The following SGCD variants were observed in gnomAD, a reference collection of about 807,000 sequenced individuals.
SGCD encodes the protein sarcoglycan delta, also known as delta-sarcoglycan.
Under a neutral mutation model 36.6 loss-of-function variants are expected in SGCD, and 18 were observed. That is an observed-to-expected ratio of 0.49 (90% confidence interval 0.34 to 0.73). The LOEUF (loss-of-function observed/expected upper bound fraction) is 0.73. SGCD is among the 30% of genes least tolerant of loss of function. The pLI, the probability that SGCD is intolerant of heterozygous loss-of-function variation, is 0.01. For missense variants in SGCD, 387 were observed against 346.7 expected (o/e 1.12, Z -0.92); for synonymous variants, 133 against 130.6 (o/e 1.02, Z -0.12).
At chr5:156,504,404 A>ATATATATATGTCAATGTG (rs1306455187) in intron 3 of SGCD, among the ~76,000 whole-genome samples, 55 of 90,276 alleles carry the variant, frequency 6.1e-4, no homozygotes, top group Non-Finnish European at 1.4e-3. Flanking sequence ...ATATATATAT[A>ATATATATATGTCAATGTG]TATATATATA....
At chr5:155,972,124 A>T (rs1352480426) in intron 1 of SGCD, among the ~76,000 whole-genome samples, 2 of 152,146 alleles carry the variant, frequency 1.3e-5, no homozygotes, top group Non-Finnish European at 2.9e-5. Flanking sequence ...AAGAGAACAG[A>T]TTAGGTCATT....
At chr5:155,738,901 G>A in the SGCD span, among the ~76,000 whole-genome samples, 1 of 151,034 alleles carries the variant, frequency 6.6e-6, no homozygotes, top group Admixed American at 6.6e-5. Context: ...GAGTGTGTGA[G>A]AGAGTATGTG....
intron 1 of SGCD, among the ~76,000 whole-genome samples, chr5:155,891,619 T>G (rs1175586566): frequency 7.4e-6 from 1 of 134,648 alleles, no homozygotes; most frequent in Non-Finnish European, 1.5e-5. Flanking sequence ...TCTTAGAAAA[T>G]AGAAATGAAA....
chr5:156,019,714 T>C (rs1477984941), intron 1 of SGCD, among the ~76,000 whole-genome samples: 1 of 152,208 alleles, frequency 6.6e-6, no homozygotes, highest in East Asian at 1.9e-4. Flanking sequence ...TGTGGTAGCA[T>C]CCATCCAGCA....
At chr5:156,042,151 C>T (rs1215520714) in intron 1 of SGCD, among the ~76,000 whole-genome samples, 4 of 151,772 alleles carry the variant, frequency 2.6e-5, no homozygotes, top group Non-Finnish European at 5.9e-5. Flanking sequence ...GTTAGGTACA[C>T]TCTGAATTTT....
chr5:156,167,168 G>A (rs900151899), intron 3 of SGCD, among the ~76,000 whole-genome samples: 1 of 152,024 alleles, frequency 6.6e-6, no homozygotes, highest in African/African-American at 2.4e-5. Flanking sequence ...TTTCAGAGGT[G>A]CCCTCTCTGA....
chr5:156,218,191 G>T (rs767402226), intron 3 of SGCD, among the ~76,000 whole-genome samples: 7 of 152,134 alleles, frequency 4.6e-5, no homozygotes, highest in Non-Finnish European at 7.4e-5. Context: ...AGCGAAGGTT[G>T]CAGTGAGCCG....
At chr5:156,372,190 G>A (rs1041487763) in intron 3 of SGCD, among the ~76,000 whole-genome samples, 3 of 152,138 alleles carry the variant, frequency 2.0e-5, no homozygotes, top group African/African-American at 4.8e-5. Flanking sequence ...TAATGGAAAA[G>A]AGCAAAATTA....
At chr5:156,148,929 C>A (rs569597554) in intron 3 of SGCD, among the ~76,000 whole-genome samples, 1 of 152,234 alleles carries the variant, frequency 6.6e-6, no homozygotes. Flanking sequence ...TTTATCGTTC[C>A]ATCAGACTTC....
chr5:155,859,401 A>G, the SGCD span, among the ~76,000 whole-genome samples: 1 of 152,250 alleles, frequency 6.6e-6, no homozygotes, highest in Non-Finnish European at 1.5e-5. Flanking sequence ...ATTTACACAC[A>G]TTAAAATTGA....
chr5:155,806,545 C>A, the SGCD span, among the ~76,000 whole-genome samples: 1 of 152,112 alleles, frequency 6.6e-6, no homozygotes, highest in Non-Finnish European at 1.5e-5. Context: ...ATATTCTTTT[C>A]CTACTTCATA....
chr5:155,798,896 A>G, the SGCD span, among the ~76,000 whole-genome samples: 1 of 152,200 alleles, frequency 6.6e-6, no homozygotes, highest in Non-Finnish European at 1.5e-5. Flanking sequence ...ATGCGTATGA[A>G]GTGATTTGGA....
intron 1 of SGCD, among the ~76,000 whole-genome samples, chr5:155,895,524 G>C (rs1282375491): frequency 1.3e-5 from 2 of 152,180 alleles, no homozygotes; most frequent in Non-Finnish European, 2.9e-5. Context: ...CAATAGTGCA[G>C]ACATTGCAAT....
chr5:156,022,739 T>C (rs1431238074), intron 1 of SGCD, among the ~76,000 whole-genome samples: 1 of 152,130 alleles, frequency 6.6e-6, no homozygotes, highest in African/African-American at 2.4e-5. Context: ...AATACAATAT[T>C]CATTGTCATT....
At chr5:156,546,123 A>G (rs1360220494) in intron 4 of SGCD, among the ~76,000 whole-genome samples, 2 of 152,202 alleles carry the variant, frequency 1.3e-5, no homozygotes, top group Non-Finnish European at 2.9e-5. Flanking sequence ...ATGCTCTGCA[A>G]TAAAAAACAC....
intron 7 of SGCD, among the ~76,000 whole-genome samples, chr5:156,705,619 C>G (rs1754709651): frequency 6.6e-6 from 1 of 152,052 alleles, no homozygotes; most frequent in African/African-American, 2.4e-5. Context: ...ATGGAGAGCC[C>G]TTTTGCCACT....
At chr5:156,526,237 G>T (rs932310518) in intron 4 of SGCD, among the ~76,000 whole-genome samples, 3 of 151,960 alleles carry the variant, frequency 2.0e-5, no homozygotes, top group African/African-American at 7.3e-5. Context: ...GTTAAGATTT[G>T]GATTCTGAGT....
At position 156,647,250 on chromosome 5, in the gene SGCD, A is replaced by G. The variant is rs114253895; in HGVS notation, c.503-214A>G. On this transcript the variant is annotated intron_variant, in intron 6 of 8. Coordinates refer to ENST00000337851, the MANE Select transcript of SGCD (RefSeq NM_000337.6). The stretch of plus-strand genomic sequence containing the variant: ...ATGGCCTCACTCTGATCTCAGCAAG[A>G]ATGCTTTCAAAAGAAGTTCCTTGTT... 4.3e-3 allele frequency among the ~76,000 whole-genome samples: 651 copies of G among 152,300 alleles called. 2 individuals carry two copies. The highest frequency in any genetic ancestry group is 7.4e-3 in the Admixed American group (113 of 15,276).
At chr5:156,752,196 G>C (rs1366701133) in intron 7 of SGCD, among the ~76,000 whole-genome samples, 2 of 152,194 alleles carry the variant, frequency 1.3e-5, no homozygotes, top group Non-Finnish European at 2.9e-5. Context: ...TGCGTGTGAA[G>C]TATGCAATAG....
Sources: allele counts gnomAD v4.1 joint callset (sites outside exome capture counted in the v4.1 genomes callset), GRCh38; gene constraint gnomAD v4.1.1; transcripts MANE v1.5; gene names NCBI Gene and HGNC (gene_info 2026-07-23, HGNC 2026-07-21).